The following SLC2A13 variants were observed in gnomAD, a reference collection of about 807,000 sequenced individuals.
SLC2A13 encodes the protein proton myo-inositol cotransporter.
In SLC2A13, 32 loss-of-function variants were observed where a neutral mutation model predicts 64.4. The observed-to-expected ratio is 0.50, with a 90% CI of 0.37 to 0.67. The LOEUF is 0.67. Among genes scored for constraint, SLC2A13 ranks in the 30% least tolerant of loss-of-function variants. The pLI is 0.00. For missense variants in SLC2A13, 743 were observed against 829.2 expected (o/e 0.90, Z 1.28); for synonymous variants, 338 against 327.1 (o/e 1.03, Z -0.36).
chr12:39,761,930 A>C (rs994879960), intron 9 of SLC2A13, among the ~76,000 whole-genome samples: 8 of 152,060 alleles, frequency 5.3e-5, no homozygotes, highest in Non-Finnish European at 1.2e-4. Flanking sequence ...AACAAATCAA[A>C]TCTGTCAGCG....
chr12:39,813,158 T>C lies in SLC2A13; in HGVS notation c.1445+16945A>G, dbSNP rs546518882. 2.0e-5 allele frequency among the ~76,000 whole-genome samples: 3 copies of C among 151,878 alleles called. No homozygotes were observed. The South Asian group carries it at 6.3e-4, about 32-fold the overall frequency. The stretch of plus-strand genomic sequence containing the variant: ...CTGTGCCCAGCCTATAGTATTACTT[T>C]TGCCCTCCCTTTAAAACTTCTTTTA... On this transcript the variant is annotated intron_variant, in intron 7 of 9. Coordinates refer to ENST00000280871, the MANE Select transcript of SLC2A13 (RefSeq NM_052885.4).
chr12:39,892,893 C>T (rs960407053), intron 4 of SLC2A13, among the ~76,000 whole-genome samples: 18 of 152,026 alleles, frequency 1.2e-4, no homozygotes, highest in Admixed American at 4.6e-4. Flanking sequence ...AATTGTAGAG[C>T]TTTAACACTG....
intron 4 of SLC2A13, among the ~76,000 whole-genome samples, chr12:39,905,454 C>T (rs1489823632): frequency 6.6e-6 from 1 of 152,110 alleles, no homozygotes; most frequent in Non-Finnish European, 1.5e-5. Flanking sequence ...AATGTATCAT[C>T]ATGATTTTAA....
At chr12:40,085,502 T>A (rs934345436) in intron 1 of SLC2A13, among the ~76,000 whole-genome samples, 4 of 152,200 alleles carry the variant, frequency 2.6e-5, no homozygotes, top group African/African-American at 9.7e-5. Flanking sequence ...CCAGCTGGTG[T>A]CTGCTGCAAA....
At chr12:39,932,997 T>C (rs956178373) in intron 4 of SLC2A13, among the ~76,000 whole-genome samples, 3 of 151,766 alleles carry the variant, frequency 2.0e-5, no homozygotes, top group Non-Finnish European at 4.4e-5. Flanking sequence ...GAGGCTGAGG[T>C]GGGTGGATAC....
At chr12:39,997,399 G>T (rs1006177553) in intron 3 of SLC2A13, among the ~76,000 whole-genome samples, 1 of 152,046 alleles carries the variant, frequency 6.6e-6, no homozygotes. Flanking sequence ...GATGGATTAA[G>T]GACTTAAACC....
At chr12:39,887,414 ACT>A (rs1944493930) in intron 4 of SLC2A13, among the ~76,000 whole-genome samples, 1 of 152,140 alleles carries the variant, frequency 6.6e-6, no homozygotes, top group African/African-American at 2.4e-5. Context: ...TCTCTTCTCC[ACT>A]GAGGGCTCTA....
chr12:39,882,351 C>T (rs1944360527), intron 4 of SLC2A13, among the ~76,000 whole-genome samples: 1 of 152,178 alleles, frequency 6.6e-6, no homozygotes. Flanking sequence ...TTGAAAATTA[C>T]TTCCCCAAAC....
intron 3 of SLC2A13, among the ~76,000 whole-genome samples, chr12:40,026,092 T>C (rs1169562019): frequency 1.3e-5 from 2 of 152,230 alleles, no homozygotes; most frequent in African/African-American, 2.4e-5. Flanking sequence ...ATCTGGCAAA[T>C]CTGTCTGAAT....
rs930787098 is a variant in SLC2A13, at chr12:39,895,365, C to T, written c.1035-23404G>A. Among the ~76,000 whole-genome samples, 117 of 151,082 alleles carry T rather than the reference C, an allele frequency of 7.7e-4. 1 individual carries two copies. Among genetic ancestry groups the T allele is most frequent in the Middle Eastern group, 6.9e-3 (2 of 290 alleles). On this transcript the variant is annotated intron_variant, in intron 4 of 9. Transcript: ENST00000280871. ...ATTAGCCGGGCTTGGTGGCAGGCAC[C>T]TGTAGTCCCAGCTACTTGGCAGGCT...
chr12:39,779,472 T>C (rs1326093685), intron 7 of SLC2A13, among the ~76,000 whole-genome samples: 3 of 152,176 alleles, frequency 2.0e-5, no homozygotes, highest in Admixed American at 6.5e-5. Context: ...CCATACCTAT[T>C]ATCTTCCCTT....
At position 39,871,905 on chromosome 12, in the gene SLC2A13, A is replaced by G; in HGVS notation, c.1091T>C (p.Ile364Thr). 6.2e-7 allele frequency: 1 copy of G among 1,611,498 alleles called. No individual in the cohort carries two copies. Among genetic ancestry groups the G allele is most frequent in the South Asian group, 1.1e-5 (1 of 90,482 alleles). The change falls in exon 5 of 10, where the codon ATA becomes ACA. Residue 364 changes from isoleucine to threonine, a missense_variant. This residue lies in a region of SLC2A13 where 295 missense variants were observed against 381.7 expected (regional missense o/e 0.77). Coordinates refer to ENST00000280871, the MANE Select transcript of SLC2A13 (RefSeq NM_052885.4). ...MSGVEDDRLA[I>T]WLASVTAFTN... The stretch of plus-strand genomic sequence containing the variant: ...GAAGGCTGTAACTGAAGCCAGCCAT[A>G]TTGCAAGTCTATCATCTTCAACACC...
At chr12:40,030,266 G>A (rs764011102) in intron 2 of SLC2A13, among the ~76,000 whole-genome samples, 6 of 152,142 alleles carry the variant, frequency 3.9e-5, no homozygotes, top group Non-Finnish European at 7.4e-5. Flanking sequence ...GTCCTCGGAT[G>A]AGAGCTACAG....
chr12:39,964,753 T>A (rs1213519109), intron 3 of SLC2A13, among the ~76,000 whole-genome samples: 1 of 151,866 alleles, frequency 6.6e-6, no homozygotes, highest in Non-Finnish European at 1.5e-5. Flanking sequence ...TCCCATCATA[T>A]CCTATGTCAT....
intron 1 of SLC2A13, among the ~76,000 whole-genome samples, chr12:40,074,166 A>T (rs17489459): frequency 3.2e-3 from 392 of 121,894 alleles, no homozygotes; most frequent in African/African-American, 0.011. Flanking sequence ...CATCAAAGAC[A>T]TTTTTTTTTT....
At chr12:39,808,904 CAATTTT>C (rs1942059042) in intron 7 of SLC2A13, among the ~76,000 whole-genome samples, 1 of 152,014 alleles carries the variant, frequency 6.6e-6, no homozygotes, top group African/African-American at 2.4e-5. Flanking sequence ...AAAGAGTAGA[CAATTTT>C]AATTTTAATG....
chr12:39,816,976 T>C (rs574656820), intron 7 of SLC2A13, among the ~76,000 whole-genome samples: 1 of 152,294 alleles, frequency 6.6e-6, no homozygotes, highest in Admixed American at 6.5e-5. Context: ...AAATGTGTTA[T>C]CCCATTGTGG....
chr12:39,959,709 G>A (rs1273519128), intron 3 of SLC2A13, among the ~76,000 whole-genome samples: 1 of 152,144 alleles, frequency 6.6e-6, no homozygotes, highest in African/African-American at 2.4e-5. Context: ...AGTCATGGGA[G>A]TGTGGTATGT....
intron 4 of SLC2A13, among the ~76,000 whole-genome samples, chr12:39,895,131 G>A (rs1295505806): frequency 6.6e-6 from 1 of 152,036 alleles, no homozygotes; most frequent in South Asian, 2.1e-4. Context: ...AGCCTCCCAA[G>A]TACCTGGGAC....
Sources: allele counts gnomAD v4.1 joint callset (sites outside exome capture counted in the v4.1 genomes callset), GRCh38; gene constraint gnomAD v4.1.1; regional missense constraint gnomAD v4.1.1; transcripts MANE v1.5; gene names NCBI Gene and HGNC (gene_info 2026-07-23, HGNC 2026-07-21).